Variants in RPH3A observed in about 807,000 individuals in gnomAD.
RPH3A encodes the protein rabphilin-3A.
RPH3A carries 48 observed loss-of-function variants against 102.2 expected under a neutral mutation model. The observed-to-expected ratio is 0.47, with a 90% CI of 0.37 to 0.60. The LOEUF is 0.60. Ranked by LOEUF, RPH3A falls within the 20% of genes least tolerant of loss-of-function variation. The pLI is 0.00. For synonymous variants in RPH3A, 310 were observed against 324.3 expected (o/e 0.96, Z 0.47); for missense variants, 781 against 910.1 (o/e 0.86, Z 1.83).
chr12:112,635,309 G>C (rs924266152), intron 1 of RPH3A, among the ~76,000 whole-genome samples: 2 of 152,174 alleles, frequency 1.3e-5, no homozygotes, highest in African/African-American at 4.8e-5. Flanking sequence ...TGGCAATGTA[G>C]TTGGTAGTTA....
chr12:112,590,039 T>C (rs1170502723), intron 1 of RPH3A, among the ~76,000 whole-genome samples: 1 of 149,124 alleles, frequency 6.7e-6, no homozygotes, highest in Non-Finnish European at 1.5e-5. Context: ...GCTGAGATCA[T>C]GCCACTGTAC....
At chr12:112,841,572 A>G (rs554090376) in intron 4 of RPH3A, among the ~76,000 whole-genome samples, 2 of 152,322 alleles carry the variant, frequency 1.3e-5, no homozygotes, top group South Asian at 4.1e-4. Flanking sequence ...CCTATGATAC[A>G]AATATTATTA....
chr12:112,676,520 A>T (rs2040175610), intron 1 of RPH3A, among the ~76,000 whole-genome samples: 1 of 152,188 alleles, frequency 6.6e-6, no homozygotes, highest in Non-Finnish European at 1.5e-5. Flanking sequence ...TCAAAATTGG[A>T]TTCTGGCCCC....
intron 1 of RPH3A, among the ~76,000 whole-genome samples, chr12:112,746,154 T>C (rs564079493): frequency 6.6e-6 from 1 of 152,192 alleles, no homozygotes; most frequent in South Asian, 2.1e-4. Flanking sequence ...CTTTCATCCC[T>C]CCCTCTTTTC....
At chr12:112,770,015 T>C (rs963148568) in intron 1 of RPH3A, among the ~76,000 whole-genome samples, 1 of 152,216 alleles carries the variant, frequency 6.6e-6, no homozygotes, top group African/African-American at 2.4e-5. Context: ...TACTATCAGA[T>C]TGTATCACAA....
intron 1 of RPH3A, among the ~76,000 whole-genome samples, chr12:112,710,999 T>A (rs183231136): frequency 6.8e-4 from 103 of 152,188 alleles, no homozygotes; most frequent in African/African-American, 2.3e-3. Context: ...TAGAATGTTA[T>A]CTCCAGTTCA....
chr12:112,624,562 C>A (rs1210237747), intron 1 of RPH3A, among the ~76,000 whole-genome samples: 2 of 150,074 alleles, frequency 1.3e-5, no homozygotes, highest in East Asian at 4.0e-4. Context: ...TGGCAATAAT[C>A]AATAGTTTAC....
intron 1 of RPH3A, among the ~76,000 whole-genome samples, chr12:112,602,668 A>G (rs1398818893): frequency 6.6e-6 from 1 of 152,144 alleles, no homozygotes; most frequent in Non-Finnish European, 1.5e-5. Flanking sequence ...GCATGCCTGT[A>G]ATCCCAGCTA....
At chr12:112,852,654 G>A (rs2042341806) in intron 5 of RPH3A, among the ~76,000 whole-genome samples, 4 of 152,134 alleles carry the variant, frequency 2.6e-5, no homozygotes, top group Admixed American at 2.6e-4. Context: ...ATCAGCAGTG[G>A]CCAGAGGTGC....
Position 112,781,614 on chromosome 12 carries a change from G to A in RPH3A, c.-139-10529G>A, listed in dbSNP as rs374423904. Among the ~76,000 whole-genome samples the A allele has an allele frequency of 8.5e-5, 13 of 152,292 alleles. No homozygotes were observed. The South Asian group carries it at 2.3e-3, about 27-fold the overall frequency. On this transcript the variant is annotated intron_variant, in intron 1 of 21. Transcript: ENST00000543106. ...GGTGGAGGATCAGTGAGCTATTGGC[G>A]TTGGCCCAGAGTAAGAACCTCTCAC... is the stretch of plus-strand genomic sequence containing the variant.
intron 1 of RPH3A, among the ~76,000 whole-genome samples, chr12:112,786,404 C>T (rs533177697): frequency 6.6e-6 from 1 of 152,292 alleles, no homozygotes; most frequent in Admixed American, 6.5e-5. Context: ...CTCTTGCACG[C>T]CAATCTCTCT....
chr12:112,710,304 C>T (rs951980644), intron 1 of RPH3A, among the ~76,000 whole-genome samples: 6 of 152,126 alleles, frequency 3.9e-5, no homozygotes, highest in African/African-American at 1.4e-4. Context: ...GTAGTTTCAG[C>T]GCTGAAAGTC....
intron 1 of RPH3A, among the ~76,000 whole-genome samples, chr12:112,782,419 A>G (rs900747327): frequency 1.3e-5 from 2 of 152,244 alleles, no homozygotes; most frequent in Admixed American, 6.5e-5. Context: ...AGGAGCTTCA[A>G]TCTGGACTGG....
intron 5 of RPH3A, among the ~76,000 whole-genome samples, chr12:112,862,961 C>T (rs2042546513): frequency 3.3e-5 from 5 of 152,166 alleles, no homozygotes; most frequent in Admixed American, 2.6e-4. Flanking sequence ...AGCTGGGACC[C>T]AGTCCATGGA....
intron 3 of RPH3A, among the ~76,000 whole-genome samples, chr12:112,830,652 A>ATGGC (rs1050358503): frequency 3.3e-5 from 5 of 152,204 alleles, no homozygotes; most frequent in African/African-American, 1.2e-4. Context: ...GTTCTGTGAG[A>ATGGC]TGGCTACAGG....
chr12:112,652,285 G>T (rs1248900017), intron 1 of RPH3A, among the ~76,000 whole-genome samples: 1 of 152,050 alleles, frequency 6.6e-6, no homozygotes, highest in Non-Finnish European at 1.5e-5. Flanking sequence ...AGACCAGCCT[G>T]GGCAACATAG....
intron 1 of RPH3A, among the ~76,000 whole-genome samples, chr12:112,710,294 G>T (rs1325197079): frequency 6.6e-6 from 1 of 152,108 alleles, no homozygotes; most frequent in Non-Finnish European, 1.5e-5. Context: ...TTTCTTGACC[G>T]TAGTTTCAGC....
chr12:112,890,135 A>G, intron 18 of RPH3A, 55 bp downstream of exon 18: 1 of 1,477,222 alleles, frequency 6.8e-7, no homozygotes, highest in South Asian at 1.1e-5. Flanking sequence ...GGGCTAGGCT[A>G]GCATCTTCCT....
In RPH3A at chr12:112,876,823, G is replaced by A. The variant is rs766545210; in HGVS notation, c.1128G>A (p.Glu376=). 1.9e-5 allele frequency: 31 copies of A among 1,609,206 alleles called. No individual in the cohort carries two copies. The highest frequency in any genetic ancestry group is 2.2e-5 in the East Asian group (1 of 44,648). Residue 376 remains glutamate, a synonymous_variant, in exon 13 of 22, where the codon GAG becomes GAA. Coordinates refer to ENST00000389385, the MANE Select transcript of RPH3A (RefSeq NM_001143854.2). ...PAAARQPPPP[E]EEEEEANSYD... is the part of the protein sequence containing the mutation. ...CAGCCCGCCAGCCACCACCCCCAGAGGAGGAGGAAGAGGAAGCCAACAGCT... is the reference window on the plus strand; with the variant it reads ...CAGCCCGCCAGCCACCACCCCCAGAAGAGGAGGAAGAGGAAGCCAACAGCT...
Sources: gnomAD v4.1 joint callset for allele counts (sites outside exome capture counted in the v4.1 genomes callset) on GRCh38, gnomAD v4.1.1 for gene constraint, MANE v1.5 for transcripts, NCBI Gene and HGNC (gene_info 2026-07-23, HGNC 2026-07-21) for gene names.